Variants in MCTP1 observed in about 807,000 individuals in gnomAD.
MCTP1 encodes the protein multiple C2 and transmembrane domain containing 1, also known as multiple C2 and transmembrane domain-containing protein 1.
MCTP1 carries 69 observed loss-of-function variants against 120.6 expected under a neutral mutation model. The observed-to-expected ratio is 0.57, with a 90% confidence interval of 0.47 to 0.70. The LOEUF (loss-of-function observed/expected upper bound fraction) is 0.70. MCTP1 is among the 30% of genes least tolerant of loss of function. The probability of loss-of-function intolerance (pLI) is 0.00; values close to 1 mark genes in which losing one functional copy is unlikely to be tolerated. For missense variants in MCTP1, 1,203 were observed against 1,248.8 expected, an observed-to-expected ratio of 0.96 and a Z score of 0.55; for synonymous variants, 529 against 493.1, an observed-to-expected ratio of 1.07 and a Z score of -0.96.
chr5:94,813,948 G>C (rs1783956958), intron 17 of MCTP1, among the ~76,000 whole-genome samples: 1 of 152,164 alleles, frequency 6.6e-6, no homozygotes, highest in Non-Finnish European at 1.5e-5. Flanking sequence ...AAAGGACATA[G>C]TGTATGATTC....
chr5:94,707,581 G>A lies in MCTP1; in HGVS notation c.2929-14C>T, dbSNP rs1339700704. 6.2e-7 allele frequency: 1 copy of A among 1,605,694 alleles called. No individual in the cohort carries two copies. Among genetic ancestry groups the A allele is most frequent in the African/African-American group, 1.3e-5 (1 of 74,564 alleles). ...TTGGTATTGCACCTGTTTAAACAGAGTTCAGAGGAAGACTGGTCAGGTGGC... is the reference window on the plus strand; with the variant it reads ...TTGGTATTGCACCTGTTTAAACAGAATTCAGAGGAAGACTGGTCAGGTGGC... On this transcript the variant is annotated splice_polypyrimidine_tract_variant and intron_variant, in intron 22 of 22. Coordinates refer to ENST00000515393, the MANE Select transcript of MCTP1 (RefSeq NM_024717.7).
intron 1 of MCTP1, among the ~76,000 whole-genome samples, chr5:95,065,722 A>T (rs774222281): frequency 1.1e-4 from 16 of 152,218 alleles, no homozygotes; most frequent in Non-Finnish European, 1.8e-4. Context: ...CTTCAATTCA[A>T]TATTTTTCTA....
At position 94,707,320 on chromosome 5, in the gene MCTP1, C is replaced by T; in HGVS notation, c.*176G>A. The T allele has an allele frequency of 1.8e-6, 1 of 563,510 alleles. No homozygotes were observed. Among genetic ancestry groups the T allele is most frequent in the Non-Finnish European group, 3.1e-6 (1 of 317,614 alleles). 34.9% of individuals were successfully genotyped at this position (563,510 alleles called of 1,614,324 possible). On this transcript the variant is annotated 3_prime_UTR_variant, in exon 23 of 23. Coordinates refer to ENST00000515393, the MANE Select transcript of MCTP1 (RefSeq NM_024717.7). The stretch of plus-strand genomic sequence containing the variant: ...AAACCTTTATCAAGTTGAGTCTGTA[C>T]AATAGAAGTATATATTCAAAGACAT...
intron 2 of MCTP1, among the ~76,000 whole-genome samples, chr5:94,997,344 T>C (rs1488982552): frequency 1.3e-5 from 2 of 152,138 alleles, no homozygotes; most frequent in East Asian, 1.9e-4. Context: ...CTTAAACCCC[T>C]TTCCTAGGAA....
intron 1 of MCTP1, among the ~76,000 whole-genome samples, chr5:95,267,009 C>T (rs980574547): frequency 4.6e-5 from 7 of 152,138 alleles, no homozygotes; most frequent in African/African-American, 1.7e-4. Context: ...TTAACTTTTC[C>T]TTCTTGCTTG....
At chr5:95,177,375 A>G (rs945852187) in intron 1 of MCTP1, among the ~76,000 whole-genome samples, 14 of 152,216 alleles carry the variant, frequency 9.2e-5, no homozygotes, top group African/African-American at 3.4e-4. Flanking sequence ...CTGAAAGTCC[A>G]TCTAAGATTT....
chr5:95,149,406 C>T (rs1353578542), intron 1 of MCTP1, among the ~76,000 whole-genome samples: 1 of 152,152 alleles, frequency 6.6e-6, no homozygotes, highest in Admixed American at 6.5e-5. Context: ...GCAGGGGACA[C>T]ATGATCTGTT....
At chr5:94,940,903 T>C (rs1243146073) in intron 4 of MCTP1, among the ~76,000 whole-genome samples, 4 of 151,780 alleles carry the variant, frequency 2.6e-5, no homozygotes, top group Non-Finnish European at 5.9e-5. Context: ...ACTATTGATT[T>C]ATATTTAGAA....
chr5:94,840,651 G>A (rs1259299904), intron 17 of MCTP1, among the ~76,000 whole-genome samples: 2 of 152,094 alleles, frequency 1.3e-5, no homozygotes, highest in Admixed American at 6.6e-5. Flanking sequence ...ATTTATCAGG[G>A]CTTACCACCT....
At chr5:95,156,864 G>T (rs1352473483) in intron 1 of MCTP1, among the ~76,000 whole-genome samples, 4 of 152,132 alleles carry the variant, frequency 2.6e-5, no homozygotes, top group Admixed American at 2.6e-4. Flanking sequence ...AACAGACTTG[G>T]CAGTAAAATA....
chr5:95,212,631 C>T (rs1415010693), intron 1 of MCTP1, among the ~76,000 whole-genome samples: 7 of 149,736 alleles, frequency 4.7e-5, no homozygotes, highest in Non-Finnish European at 7.4e-5. Context: ...ACTGGCAAAC[C>T]GAATCCAGCA....
chr5:94,930,267 ATTTTTTTTT>A (rs869306266), intron 6 of MCTP1, among the ~76,000 whole-genome samples: 2 of 100,928 alleles, frequency 2.0e-5, no homozygotes, highest in African/African-American at 3.8e-5. Context: ...TTAAAGAAGA[ATTTTTTTTT>A]TTTTTTTTTT....
At chr5:94,811,329 C>T (rs1000214380) in intron 17 of MCTP1, among the ~76,000 whole-genome samples, 5 of 152,120 alleles carry the variant, frequency 3.3e-5, no homozygotes, top group East Asian at 1.9e-4. Flanking sequence ...GGCTATTTTC[C>T]ACACCTCTAA....
At chr5:94,779,206 G>A in intron 18 of MCTP1, 43 bp from the exon 19 acceptor site, 7 of 1,545,544 alleles carry the variant, frequency 4.5e-6, no homozygotes, top group Non-Finnish European at 8.9e-7. Flanking sequence ...TCTTAAAGGA[G>A]AGAATTTTGT....
intron 2 of MCTP1, among the ~76,000 whole-genome samples, chr5:94,982,120 A>C (rs1829537583): frequency 6.6e-6 from 1 of 152,176 alleles, no homozygotes; most frequent in Non-Finnish European, 1.5e-5. Context: ...GCTGGCCTGA[A>C]ATATTTTGAC....
Position 95,040,210 on chromosome 5 carries a change from C to T in MCTP1, c.721-22726G>A, listed in dbSNP as rs558629652. ...TGGCACTTTGGAAGGCCGTGGCAGG[C>T]AGATCACCTGAGGTCAGGAGTTTGA... On this transcript the variant is annotated intron_variant, in intron 1 of 22. Coordinates refer to ENST00000515393, the MANE Select transcript of MCTP1 (RefSeq NM_024717.7). Among the ~76,000 whole-genome samples the T allele has an allele frequency of 2.0e-5, 3 of 152,216 alleles. No individual in the cohort carries two copies. In the East Asian group the frequency reaches 5.8e-4, roughly 29 times the overall value.
intron 1 of MCTP1, among the ~76,000 whole-genome samples, chr5:95,108,921 T>C (rs1339440243): frequency 1.3e-5 from 2 of 152,236 alleles, no homozygotes; most frequent in African/African-American, 4.8e-5. Context: ...CCAGATGTTA[T>C]ATTTTTTAAT....
chr5:94,732,439 C>T, intron 19 of MCTP1, among the ~76,000 whole-genome samples: 1 of 150,832 alleles, frequency 6.6e-6, no homozygotes, highest in South Asian at 2.1e-4. Context: ...TTGGAAACCC[C>T]TGATTCTAAA....
intron 1 of MCTP1, among the ~76,000 whole-genome samples, chr5:95,226,355 G>A (rs1291414027): frequency 6.6e-6 from 1 of 151,982 alleles, no homozygotes; most frequent in Non-Finnish European, 1.5e-5. Flanking sequence ...TTCTGAGTTC[G>A]CCTCCCTCTG....
Sources: gnomAD v4.1 joint callset for allele counts (sites outside exome capture counted in the v4.1 genomes callset) on GRCh38, gnomAD v4.1.1 for gene constraint, MANE v1.5 for transcripts, NCBI Gene and HGNC (gene_info 2026-07-23, HGNC 2026-07-21) for gene names.